The following KCNQ1 variants were observed in gnomAD, a reference collection of about 807,000 sequenced individuals.
KCNQ1 encodes potassium voltage-gated channel subfamily KQT member 1.
In KCNQ1, 49 loss-of-function variants were observed where a neutral mutation model predicts 72.4. The ratio of observed to expected loss-of-function variants is 0.68; its 90% CI spans 0.54 to 0.86. The LOEUF (loss-of-function observed/expected upper bound fraction) is 0.86. Among genes scored for constraint, KCNQ1 ranks in the 40% least tolerant of loss-of-function variants. The pLI, the probability that KCNQ1 is intolerant of heterozygous loss-of-function variation, is 0.00. For missense variants in KCNQ1, 790 were observed against 945.1 expected (o/e 0.84, Z 2.15); for synonymous variants, 450 against 412.6 (o/e 1.09, Z -1.10).
chr11:2,502,217 A>C (rs1245390637), intron 1 of KCNQ1, among the ~76,000 whole-genome samples: 1 of 152,176 alleles, frequency 6.6e-6, no homozygotes, highest in Non-Finnish European at 1.5e-5. Context: ...AAGAGAAGAA[A>C]ATAAAGGGCA....
chr11:2,561,948 G>A (rs1244455796), intron 2 of KCNQ1, among the ~76,000 whole-genome samples: 2 of 152,158 alleles, frequency 1.3e-5, no homozygotes, highest in Non-Finnish European at 2.9e-5. Flanking sequence ...GGAAGCAGCC[G>A]AGCAGAAGGA....
Position 2,544,293 on chromosome 11 carries a change from T to TATAC in KCNQ1, c.477+16275_477+16276insATAC, listed in dbSNP as rs796223106. On this transcript the variant is annotated intron_variant, in intron 2 of 15. Transcript: ENST00000155840. The surrounding 1 kb of genome is among the most constrained non-coding windows in gnomAD (Gnocchi z 4.4). Reference sequence around the variant, plus strand: ...GTGTATATATATGTGTATATATATATGTATATATGTGTATATATGTATATA... The same window carrying TATAC: ...GTGTATATATATGTGTATATATATATATACGTATATATGTGTATATATGTATATA... Among the ~76,000 whole-genome samples the TATAC allele has an allele frequency of 3.7e-5, 5 of 136,538 alleles. No individual in the cohort carries two copies. The highest frequency in any genetic ancestry group is 2.3e-4 in the South Asian group (1 of 4,392). The allele number at this position is 136,538 out of a possible 152,430, so 89.6% of individuals were successfully genotyped here.
chr11:2,640,876 C>G (rs1849565480), intron 10 of KCNQ1: 1 of 399,646 alleles, frequency 2.5e-6, no homozygotes, highest in South Asian at 1.3e-4. Context: ...TACTCTCTAC[C>G]TCCATGAGAT....
intron 11 of KCNQ1, among the ~76,000 whole-genome samples, chr11:2,705,881 A>G (rs1271628402): frequency 6.6e-6 from 1 of 152,214 alleles, no homozygotes; most frequent in East Asian, 1.9e-4. Flanking sequence ...CTCCATTCCC[A>G]GCTCTGTACT....
At chr11:2,738,049 G>A (rs893541583) in intron 11 of KCNQ1, among the ~76,000 whole-genome samples, 5 of 152,194 alleles carry the variant, frequency 3.3e-5, no homozygotes, top group Non-Finnish European at 7.4e-5. Flanking sequence ...CTGCTGGGAG[G>A]GGCCGAGCCT....
At chr11:2,633,588 T>G (rs1436627226) in intron 10 of KCNQ1, 1 of 398,486 alleles carries the variant, frequency 2.5e-6, no homozygotes, top group East Asian at 3.6e-5. Flanking sequence ...GCATATGATA[T>G]CCTGTTTTCC....
At position 2,830,709 on chromosome 11, in the gene KCNQ1, C is replaced by T. The variant is rs908564647; in HGVS notation, c.1795-17058C>T. On this transcript the variant is annotated intron_variant, in intron 15 of 15. Coordinates refer to ENST00000155840, the MANE Select transcript of KCNQ1 (RefSeq NM_000218.3). This position sits in a 1 kb window ranked among gnomAD's most constrained non-coding sequence, Gnocchi z 7.7. ...AGCATTGTGGGCCTTCCCAGGAACC[C>T]CCACATCTCCGTGGCCCTCAGACCT... 2.0e-5 allele frequency among the ~76,000 whole-genome samples: 3 copies of T among 152,128 alleles called. No individual in the cohort carries two copies. The highest frequency in any genetic ancestry group is 2.9e-5 in the Non-Finnish European group (2 of 67,996).
At chr11:2,688,515 G>C (rs1403686242) in intron 11 of KCNQ1, 30 of 398,568 alleles carry the variant, frequency 7.5e-5, no homozygotes, top group Non-Finnish European at 5.3e-5. Context: ...ATGAGGTAGA[G>C]GTCACACAGC....
chr11:2,774,822 C>G (rs1001562835), intron 12 of KCNQ1, among the ~76,000 whole-genome samples: 1 of 152,130 alleles, frequency 6.6e-6, no homozygotes, highest in Non-Finnish European at 1.5e-5. Flanking sequence ...AGCAGGTGGG[C>G]AGGGAGGGCA....
intron 11 of KCNQ1, among the ~76,000 whole-genome samples, chr11:2,740,061 C>G (rs1846025640): frequency 6.6e-6 from 1 of 152,246 alleles, no homozygotes; most frequent in Non-Finnish European, 1.5e-5. Flanking sequence ...CGTGCTGCTG[C>G]CTAGGCCCTG....
At chr11:2,667,496 G>A (rs757653527) in intron 11 of KCNQ1, 29 of 311,056 alleles carry the variant, frequency 9.3e-5, no homozygotes, top group Non-Finnish European at 1.6e-4. Context: ...GAACATTCAC[G>A]CCACAGAGGT....
intron 1 of KCNQ1, among the ~76,000 whole-genome samples, chr11:2,465,954 T>C (rs1221136812): frequency 6.6e-6 from 1 of 152,206 alleles, no homozygotes. Flanking sequence ...TGACCTGCCC[T>C]GTCCTTTCCT....
At chr11:2,758,411 T>G (rs1379817715) in intron 11 of KCNQ1, among the ~76,000 whole-genome samples, 1 of 152,200 alleles carries the variant, frequency 6.6e-6, no homozygotes, top group African/African-American at 2.4e-5. Flanking sequence ...CACCAAATGT[T>G]GGCGAGGATG....
chr11:2,550,228 G>A lies in KCNQ1; in HGVS notation c.478-20400G>A, dbSNP rs1412953997. Among the ~76,000 whole-genome samples, 1 of 152,228 alleles carries A rather than the reference G, an allele frequency of 6.6e-6. No individual in the cohort carries two copies. The highest frequency in any genetic ancestry group is 1.5e-5 in the Non-Finnish European group (1 of 68,030). On this transcript the variant is annotated intron_variant, in intron 2 of 15. Coordinates refer to ENST00000155840, the MANE Select transcript of KCNQ1 (RefSeq NM_000218.3). The surrounding 1 kb of genome is among the most constrained non-coding windows in gnomAD (Gnocchi z 6.0). Reference sequence around the variant, plus strand: ...TGCCGTTGCCGGGACTGGGCCGTGTGCCTGGAGTTTGAACTTTTCTGATCA... The same window carrying A: ...TGCCGTTGCCGGGACTGGGCCGTGTACCTGGAGTTTGAACTTTTCTGATCA...
At chr11:2,649,635 T>C (rs466597) in intron 10 of KCNQ1, 48,786 of 398,512 alleles carry the variant, frequency 0.12, 3,118 homozygotes, top group Middle Eastern at 0.16. Flanking sequence ...CATTCAATTC[T>C]TTCCTGGCCT....
At chr11:2,514,719 G>A (rs1227846848) in intron 1 of KCNQ1, among the ~76,000 whole-genome samples, 3 of 152,168 alleles carry the variant, frequency 2.0e-5, no homozygotes, top group African/African-American at 7.2e-5. Flanking sequence ...CCAGCTACTC[G>A]GGAGGCTGAG....
chr11:2,494,186 CA>C lies in KCNQ1; in HGVS notation c.387-33741del, dbSNP rs1323137082. On this transcript the variant is annotated intron_variant, in intron 1 of 15. Transcript: ENST00000155840. The surrounding 1 kb of genome is among the most constrained non-coding windows in gnomAD (Gnocchi z 4.6). Reference sequence around the variant, plus strand: ...TGTATAGGAATGCTTGTGAATTTTGCACATTGATTTTGTATCCCAAGACTTT... The same window carrying C: ...TGTATAGGAATGCTTGTGAATTTTGCCATTGATTTTGTATCCCAAGACTTT... Among the ~76,000 whole-genome samples, 1 of 152,102 alleles carries C rather than the reference CA, an allele frequency of 6.6e-6. No homozygotes were observed.
At chr11:2,771,002 G>A (rs111232247) in intron 12 of KCNQ1, among the ~76,000 whole-genome samples, 2 of 152,266 alleles carry the variant, frequency 1.3e-5, no homozygotes, top group African/African-American at 2.4e-5. Context: ...CGTGACAGCC[G>A]AAGCAGCTGA....
intron 12 of KCNQ1, among the ~76,000 whole-genome samples, chr11:2,770,441 C>T (rs1441046319): frequency 2.0e-5 from 3 of 152,268 alleles, no homozygotes; most frequent in Admixed American, 6.5e-5. Context: ...GAGCAGCCCT[C>T]GGCCAGGCCC....
Sources: gnomAD v4.1 joint callset for allele counts (sites outside exome capture counted in the v4.1 genomes callset) on GRCh38, gnomAD v4.1.1 for gene constraint, Gnocchi (gnomAD v3.1) non-coding constraint, MANE v1.5 for transcripts, NCBI Gene and HGNC (gene_info 2026-07-23, HGNC 2026-07-21) for gene names.